Variants in SVIL observed in about 807,000 individuals in gnomAD.
The protein encoded by SVIL is supervillin.
A neutral mutation model predicts 240.4 loss-of-function variants in SVIL; 101 were observed. The ratio of observed to expected loss-of-function variants is 0.42; its 90% CI spans 0.36 to 0.50. The LOEUF (loss-of-function observed/expected upper bound fraction) is 0.50, where lower values mean the gene tolerates loss of function less well. SVIL is among the 20% of genes least tolerant of loss of function. SVIL has a pLI of 0.01. For synonymous variants in SVIL, 999 were observed against 1,100.0 expected, an observed-to-expected ratio of 0.91 and a Z score of 1.82; for missense variants, 2,512 against 2,818.7, an observed-to-expected ratio of 0.89 and a Z score of 2.46.
chr10:29,485,516 T>C (rs574944530), intron 26 of SVIL, among the ~76,000 whole-genome samples: 36 of 152,344 alleles, frequency 2.4e-4, no homozygotes, highest in African/African-American at 7.7e-4. Flanking sequence ...CTGTGACTTT[T>C]CCCTCATGTA....
chr10:29,532,132 G>A lies in SVIL; in HGVS notation c.1879C>T (p.Pro627Ser). Residue 627 changes from proline (P) to serine (S), a missense_variant, in exon 9 of 38, where the codon CCC becomes TCC. Around this residue, in one of 3 missense-constraint regions of SVIL, gnomAD observed 1,443 missense variants for 1,486.6 expected, o/e 0.97. Coordinates refer to ENST00000355867, the MANE Select transcript of SVIL (RefSeq NM_021738.3). ...CCTCTCTCCCGTTCCACACCGGTGG[G>A]CAAGCCAGGTCCTTCAGCCGACCTC... ...VERSAEGPGL[P>S]TGVERERGSR... is the part of the protein sequence containing the mutation. The A allele has an allele frequency of 6.2e-7, 1 of 1,613,960 alleles. No individual in the cohort carries two copies. The highest frequency in any genetic ancestry group is 2.2e-5 in the East Asian group (1 of 44,876).
At chr10:29,729,034 G>A (rs1036950651) in intron 1 of SVIL, among the ~76,000 whole-genome samples, 3 of 152,144 alleles carry the variant, frequency 2.0e-5, no homozygotes, top group African/African-American at 2.4e-5. Context: ...TGGGGGTGAG[G>A]GGCGGTGTTA....
At chr10:29,686,441 C>T (rs1332780155) in intron 2 of SVIL, 1 of 152,196 alleles carries the variant, frequency 6.6e-6, no homozygotes, top group African/African-American at 2.4e-5. Flanking sequence ...TAGAGTGGTA[C>T]CAGTTGTTAT....
At chr10:29,589,921 C>A (rs1680522410) in intron 1 of SVIL, among the ~76,000 whole-genome samples, 1 of 152,100 alleles carries the variant, frequency 6.6e-6, no homozygotes, top group Non-Finnish European at 1.5e-5. Flanking sequence ...GTAATCCCAG[C>A]ACTTTGGGAG....
At chr10:29,477,049 G>C (rs1946273347) in intron 29 of SVIL, among the ~76,000 whole-genome samples, 1 of 152,040 alleles carries the variant, frequency 6.6e-6, no homozygotes, top group South Asian at 2.1e-4. Flanking sequence ...TTTTAGTAGA[G>C]ACAGGGGGTT....
intron 3 of SVIL, among the ~76,000 whole-genome samples, chr10:29,562,438 C>A (rs185673166): frequency 6.6e-6 from 1 of 152,192 alleles, no homozygotes; most frequent in Non-Finnish European, 1.5e-5. Context: ...GGCTGTTCGC[C>A]GCTCAGCAGG....
chr10:29,705,686 G>A (rs1410545689), intron 1 of SVIL, among the ~76,000 whole-genome samples: 2 of 151,962 alleles, frequency 1.3e-5, no homozygotes, highest in South Asian at 4.2e-4. Context: ...CCCTCCCTAT[G>A]TCCATGTGTT....
chr10:29,680,908 G>C (rs1245694407), intron 2 of SVIL, among the ~76,000 whole-genome samples: 5 of 145,414 alleles, frequency 3.4e-5, no homozygotes, highest in Non-Finnish European at 7.6e-5. Context: ...GACAGAGTGA[G>C]ACTCCATCTC....
At position 29,629,335 on chromosome 10, in the gene SVIL, C is replaced by T. The variant is rs1957996623; in HGVS notation, c.-201+5085G>A. On this transcript the variant is annotated intron_variant, in intron 1 of 37. Coordinates refer to ENST00000355867, the MANE Select transcript of SVIL (RefSeq NM_021738.3). ...TCGAGTCCCGCACCCCAGCTGGTTG[C>T]TTCCATCTCAGGCACGTGGCAAAGA... Among the ~76,000 whole-genome samples the T allele has an allele frequency of 2.0e-5, 3 of 152,226 alleles. No homozygotes were observed. In the South Asian group the frequency reaches 6.2e-4, roughly 32 times the overall value.
intron 1 of SVIL, among the ~76,000 whole-genome samples, chr10:29,584,774 G>A (rs534318196): frequency 4.6e-5 from 7 of 152,334 alleles, no homozygotes; most frequent in East Asian, 1.9e-4. Flanking sequence ...AAGGGAGGCC[G>A]TGGACAGCCC....
At chr10:29,635,791 T>C (rs2132965014), upstream of SVIL, among the ~76,000 whole-genome samples, 1 of 152,318 alleles carries the variant, frequency 6.6e-6, no homozygotes, top group South Asian at 2.1e-4. Context: ...GAGTCTTAAT[T>C]GTCTGCACCA....
chr10:29,558,886 C>T (rs144966692), intron 3 of SVIL, among the ~76,000 whole-genome samples: 162 of 150,082 alleles, frequency 1.1e-3, no homozygotes, highest in Middle Eastern at 3.5e-3. Context: ...CAAGGCTGTG[C>T]CACTACACTC....
At chr10:29,601,060 G>A (rs1339117767) in intron 1 of SVIL, among the ~76,000 whole-genome samples, 1 of 152,124 alleles carries the variant, frequency 6.6e-6, no homozygotes, top group African/African-American at 2.4e-5. Flanking sequence ...CTTATGTGCT[G>A]ACTTGAAAGG....
intron 1 of SVIL, among the ~76,000 whole-genome samples, chr10:29,621,772 C>T (rs566654582): frequency 2.1e-4 from 32 of 152,316 alleles, no homozygotes; most frequent in African/African-American, 7.5e-4. Context: ...TTCTCATCCT[C>T]TTCTGTTGTG....
At position 29,462,267 on chromosome 10, in the gene SVIL, G is replaced by C. The variant is rs540660299; in HGVS notation, c.6402+10C>G. On this transcript the variant is annotated intron_variant, in intron 36 of 37. Transcript: ENST00000355867. ...GGAGCCACCTTCATAGGGCAGGAAA[G>C]CGTGCTCACCATCTCTGTGATCTCA... 6 of 1,613,644 alleles carry C rather than the reference G, an allele frequency of 3.7e-6. No individual in the cohort carries two copies. In the Admixed American group the frequency reaches 1.0e-4, roughly 27 times the overall value.
intron 18 of SVIL, chr10:29,496,351 A>G (rs1448015954): frequency 2.2e-6 from 1 of 451,906 alleles, no homozygotes. Flanking sequence ...GAAAGATGAT[A>G]AATAAAATCT....
intron 1 of SVIL, among the ~76,000 whole-genome samples, chr10:29,576,328 A>G (rs1175131848): frequency 6.6e-6 from 1 of 152,160 alleles, no homozygotes; most frequent in African/African-American, 2.4e-5. Context: ...TTGCATTGAT[A>G]TAATGTTGAC....
intron 1 of SVIL, among the ~76,000 whole-genome samples, chr10:29,705,377 A>G (rs1182747760): frequency 2.0e-5 from 3 of 152,150 alleles, no homozygotes; most frequent in African/African-American, 4.8e-5. Flanking sequence ...GGATCTTGAG[A>G]TGAGGAAATG....
At chr10:29,493,472 T>G (rs1476063687) in intron 20 of SVIL, 81 bp from the exon 21 acceptor site, 3 of 1,459,624 alleles carry the variant, frequency 2.1e-6, no homozygotes, top group Non-Finnish European at 2.8e-6. Flanking sequence ...TTAAAAATTC[T>G]ATTGCCTCCT....
Sources: allele counts gnomAD v4.1 joint callset (sites outside exome capture counted in the v4.1 genomes callset), GRCh38; gene constraint gnomAD v4.1.1; regional missense constraint gnomAD v4.1.1; transcripts MANE v1.5; gene names NCBI Gene and HGNC (gene_info 2026-07-23, HGNC 2026-07-21).